TIMELESS: variants seen among roughly 807,000 people sequenced by gnomAD.
The protein encoded by TIMELESS is timeless circadian regulator, also known as protein timeless homolog.
In TIMELESS, 124 loss-of-function variants were observed where a neutral mutation model predicts 164.3. The ratio of observed to expected loss-of-function variants is 0.75; its 90% CI spans 0.65 to 0.88. TIMELESS has a LOEUF of 0.88. Among genes scored for constraint, TIMELESS ranks in the 40% least tolerant of loss-of-function variants. The pLI, the probability that TIMELESS is intolerant of heterozygous loss-of-function variation, is 0.00. For missense variants in TIMELESS, 1,422 were observed against 1,491.4 expected (o/e 0.95, Z 0.77); for synonymous variants, 564 against 563.4 (o/e 1.00, Z -0.02).
intron 1 of TIMELESS, among the ~76,000 whole-genome samples, chr12:56,435,562 CA>C (rs1353263701): frequency 5.9e-5 from 9 of 152,178 alleles, no homozygotes; most frequent in African/African-American, 2.2e-4. Context: ...GGTGGCATCC[CA>C]GCACTTTGGA....
chr12:56,428,989 A>C lies in TIMELESS; in HGVS notation c.1198T>G (p.Ser400Ala). 6.2e-7 allele frequency: 1 copy of C among 1,614,168 alleles called. No individual in the cohort carries two copies. Among genetic ancestry groups the C allele is most frequent in the Non-Finnish European group, 8.5e-7 (1 of 1,180,034 alleles). ...RAASFRPGLVSETLSVRTFHF... is the reference protein window; with the variant it reads ...RAASFRPGLVAETLSVRTFHF... ...AAGGTACGGACACTGAGGGTCTCAG[A>C]AACCAGGCCTGGCCGGAAGGAGGCA... Residue 400 changes from serine to alanine, a missense_variant, in exon 11 of 29, where the codon TCT (serine) becomes GCT (alanine). By Grantham distance (99) the Ser-to-Ala change is moderately conservative. Transcript: ENST00000553532.
intron 8 of TIMELESS, 82 bp downstream of exon 8, chr12:56,431,389 A>C (rs1262116310): frequency 2.2e-6 from 3 of 1,370,116 alleles, no homozygotes; most frequent in Non-Finnish European, 3.0e-6. Context: ...AATGTTGTTC[A>C]ATCACCCCAC....
chr12:56,419,151 C>T (rs1468452530), intron 26 of TIMELESS, among the ~76,000 whole-genome samples: 7 of 151,986 alleles, frequency 4.6e-5, no homozygotes, highest in African/African-American at 1.2e-4. Context: ...ACCACCACAC[C>T]GGGCTAATTT....
chr12:56,436,404 A>G (rs1347245212), intron 1 of TIMELESS, among the ~76,000 whole-genome samples: 1 of 152,188 alleles, frequency 6.6e-6, no homozygotes, highest in East Asian at 1.9e-4. Context: ...CAGTAGGCCG[A>G]GATCACGCCA....
intron 18 of TIMELESS, 72 bp downstream of exon 18, chr12:56,423,202 C>T: frequency 6.4e-7 from 1 of 1,559,606 alleles, no homozygotes; most frequent in Non-Finnish European, 8.7e-7. Context: ...CACCTTCTAT[C>T]TCCTGAAGAT....
At chr12:56,431,803 T>C (rs1241338175) in intron 7 of TIMELESS, among the ~76,000 whole-genome samples, 199 bp from the exon 8 acceptor site, 1 of 151,756 alleles carries the variant, frequency 6.6e-6, no homozygotes, top group Non-Finnish European at 1.5e-5. Context: ...GAAATATATA[T>C]ATGTATATAT....
rs962928449 is a variant in TIMELESS at position 56,430,866 on chromosome 12, T to C, written c.909+15A>G. ...AACTCCACTATGTTCCCACTCCAGA[T>C]GTAAGAATACTCACGTTGTGAAGGC... On this transcript the variant is annotated intron_variant, in intron 9 of 28. Coordinates refer to ENST00000553532, the MANE Select transcript of TIMELESS (RefSeq NM_003920.5). 2.6e-6 allele frequency: 4 copies of C among 1,552,132 alleles called. No individual in the cohort carries two copies. Among genetic ancestry groups the C allele is most frequent in the Non-Finnish European group, 3.5e-6 (4 of 1,136,054 alleles).
chr12:56,421,250 G>A, intron 23 of TIMELESS, 101 bp downstream of exon 23: 1 of 1,583,132 alleles, frequency 6.3e-7, no homozygotes, highest in South Asian at 1.2e-5. Flanking sequence ...GAAGGACCTG[G>A]TCAGAACAGC....
intron 10 of TIMELESS, among the ~76,000 whole-genome samples, chr12:56,429,748 C>T (rs1005514422): frequency 6.7e-5 from 10 of 150,240 alleles, no homozygotes; most frequent in African/African-American, 2.5e-4. Flanking sequence ...AACTCCTGAC[C>T]TCAAGTGATC....
In TIMELESS at chr12:56,423,561, A is replaced by G. The variant is rs1310790295; in HGVS notation, c.2090+23T>C. 3 of 1,613,722 alleles carry G rather than the reference A, an allele frequency of 1.9e-6. No individual in the cohort carries two copies. In the East Asian group the frequency reaches 6.7e-5, roughly 36 times the overall value. ...GCCGCACAATCGCCACTCTAGGACC[A>G]ACTCAGGCCTCTCAGCCCGCACCGT... On this transcript the variant is annotated intron_variant, in intron 17 of 28. Coordinates refer to ENST00000553532, the MANE Select transcript of TIMELESS (RefSeq NM_003920.5).
At position 56,423,828 on chromosome 12, in the gene TIMELESS, C is replaced by T. The variant is rs1303741645; in HGVS notation, c.1935G>A (p.Leu645=). 56 of 1,614,176 alleles carry T rather than the reference C, an allele frequency of 3.5e-5. No individual in the cohort carries two copies. The highest frequency in any genetic ancestry group is 4.7e-5 in the Non-Finnish European group (55 of 1,180,032). The change falls in exon 16 of 29, where the codon TTG becomes TTA. Residue 645 remains leucine (L), a synonymous_variant. Transcript: ENST00000553532. ...QDISPEEEIQ[L]LKQILSAPLP... is the part of the protein sequence containing the mutation. ...GTGGAGCAGAGAGGATTTGTTTCAG[C>T]AACTGGATCTCTTCCTCTGGAGAAA...
chr12:56,422,319 C>T, intron 19 of TIMELESS, 128 bp from the exon 20 acceptor site: 1 of 714,586 alleles, frequency 1.4e-6, no homozygotes, highest in Non-Finnish European at 2.4e-6. Context: ...GGCCAGCCAG[C>T]AGAGGCCTAC....
intron 1 of TIMELESS, among the ~76,000 whole-genome samples, chr12:56,435,317 G>A (rs761095989): frequency 3.3e-5 from 5 of 151,606 alleles, no homozygotes; most frequent in Non-Finnish European, 5.9e-5. Context: ...ATAGAAACTG[G>A]TACATTCCCT....
rs772887950 is a variant in TIMELESS at position 56,434,161 on chromosome 12, G to C, written c.10C>G (p.His4Asp). Residue 4 changes from histidine to aspartate, a missense_variant, in exon 2 of 29, where the codon CAC becomes GAC. By Grantham distance (81) the His-to-Asp change is moderately conservative. Transcript: ENST00000553532. ...GCTAGAAGTTCACAGTTCATCATGT[G>C]CAAGTCCATACATCAGTGGACCAAC... MDL[H>D]MMNCELLATC... 5.0e-6 allele frequency: 8 copies of C among 1,614,054 alleles called. No homozygotes were observed. The South Asian group carries it at 7.7e-5, about 16-fold the overall frequency.
chr12:56,428,887 G>A lies in TIMELESS; in HGVS notation c.1300C>T (p.Arg434Cys), dbSNP rs760996404. The A allele has an allele frequency of 1.7e-5, 28 of 1,613,322 alleles. No individual in the cohort carries two copies. Among genetic ancestry groups the A allele is most frequent in the Admixed American group, 3.3e-5 (2 of 59,982 alleles). Residue 434 changes from arginine to cysteine, a missense_variant, in exon 11 of 29, where the codon CGC becomes TGC. By Grantham distance (180) the Arg-to-Cys change is radical. Coordinates refer to ENST00000553532, the MANE Select transcript of TIMELESS (RefSeq NM_003920.5). ...TDRKEAASWA[R>C]RMHLALKAYQ... ...TCCAGTAACCATCCCACTCACCGGC[G>A]TGCCCAGGAGGCAGCTTCCTTGCGG... is the stretch of plus-strand genomic sequence containing the variant.
chr12:56,430,861 C>A lies in TIMELESS; in HGVS notation c.909+20G>T, dbSNP rs371806012. The A allele has an allele frequency of 6.7e-5, 103 of 1,527,932 alleles. No individual in the cohort carries two copies. The South Asian group carries it at 1.1e-3, about 17-fold the overall frequency. The allele number at this position is 1,527,932 out of a possible 1,614,324, so 94.6% of individuals were successfully genotyped here. On this transcript the variant is annotated intron_variant, in intron 9 of 28. Coordinates refer to ENST00000553532, the MANE Select transcript of TIMELESS (RefSeq NM_003920.5). ...TATGCAACTCCACTATGTTCCCACT[C>A]CAGATGTAAGAATACTCACGTTGTG...
chr12:56,430,379 C>G (rs774030), intron 9 of TIMELESS, 98 bp from the exon 10 acceptor site: 1,440,405 of 1,452,062 alleles, frequency 0.99, 715,139 homozygotes, highest in East Asian at 1. Flanking sequence ...TTTTGTTTTT[C>G]TTTTGAGACA....
In TIMELESS at chr12:56,431,460, C is replaced by CT. The variant is rs766183520; in HGVS notation, c.821+10dup. On this transcript the variant is annotated intron_variant, in intron 8 of 28. Coordinates refer to ENST00000553532, the MANE Select transcript of TIMELESS (RefSeq NM_003920.5). ...GATGTAGGAAAAAGAACCTGCCTCT[C>CT]TGTCACTCACCTGTTGCCTCGCTGG... 1 of 1,601,126 alleles carries CT rather than the reference C, an allele frequency of 6.2e-7. No individual in the cohort carries two copies. Among genetic ancestry groups the CT allele is most frequent in the Non-Finnish European group, 8.5e-7 (1 of 1,176,312 alleles).
In TIMELESS at chr12:56,418,275, G is replaced by A. The variant is rs192353249; in HGVS notation, c.3313C>T (p.Gln1105Ter). 6.2e-7 allele frequency: 1 copy of A among 1,614,192 alleles called. No individual in the cohort carries two copies. Among genetic ancestry groups the A allele is most frequent in the African/African-American group, 1.3e-5 (1 of 75,052 alleles). The change falls in exon 27 of 29, where the codon CAG becomes TAG. Residue 1105 changes from glutamine to a stop codon, truncating the protein, a stop_gained. Coordinates refer to ENST00000553532, the MANE Select transcript of TIMELESS (RefSeq NM_003920.5). LOFTEE classifies it high-confidence loss of function. ...GGCTGCAGCTCTGGCTGCAGCTTCT[G>A]TTCCTCCTCTGGTTGACTCAAAGAA... is the stretch of plus-strand genomic sequence containing the variant. Reference protein sequence around the residue: ...AASLSQPEEEQKLQPELQPKV... With the variant: ...AASLSQPEEE
Sources: allele counts gnomAD v4.1 joint callset (sites outside exome capture counted in the v4.1 genomes callset), GRCh38; gene constraint gnomAD v4.1.1; transcripts MANE v1.5; gene names NCBI Gene and HGNC (gene_info 2026-07-23, HGNC 2026-07-21).